The following ERBB4 variants were observed in gnomAD, a reference collection of about 807,000 sequenced individuals.
ERBB4 encodes erb-b2 receptor tyrosine kinase 4, also known as receptor tyrosine-protein kinase erbB-4.
ERBB4 carries 42 observed loss-of-function variants against 158.0 expected under a neutral mutation model. The observed-to-expected ratio is 0.27, with a 90% CI of 0.21 to 0.34. ERBB4 has a LOEUF of 0.34. Ranked by LOEUF, ERBB4 falls within the 10% of genes least tolerant of loss-of-function variation. The probability of loss-of-function intolerance (pLI) is 1.00; values close to 1 mark genes in which losing one functional copy is unlikely to be tolerated. For synonymous variants in ERBB4, 583 were observed against 558.7 expected, an observed-to-expected ratio of 1.04 and a Z score of -0.61; for missense variants, 1,333 against 1,624.1, an observed-to-expected ratio of 0.82 and a Z score of 3.08.
At chr2:212,455,035 G>C (rs1415454408) in intron 1 of ERBB4, among the ~76,000 whole-genome samples, 1 of 152,128 alleles carries the variant, frequency 6.6e-6, no homozygotes, top group Non-Finnish European at 1.5e-5. Flanking sequence ...TGACGAATTT[G>C]ATCCAAATCA....
intron 3 of ERBB4, among the ~76,000 whole-genome samples, chr2:211,875,636 A>G (rs1302633574): frequency 2.0e-5 from 3 of 152,196 alleles, no homozygotes; most frequent in Non-Finnish European, 4.4e-5. Context: ...AAATAAGTTT[A>G]GTGTAGCCTA....
At chr2:212,014,056 T>C (rs1302409753) in intron 2 of ERBB4, among the ~76,000 whole-genome samples, 1 of 152,212 alleles carries the variant, frequency 6.6e-6, no homozygotes, top group African/African-American at 2.4e-5. Context: ...CCCATGAACT[T>C]GATAATTTGT....
chr2:211,384,130 T>G, intron 27 of ERBB4, 70 bp from the exon 28 acceptor site: 1 of 1,128,574 alleles, frequency 8.9e-7, no homozygotes, highest in Non-Finnish European at 1.3e-6. Flanking sequence ...AGGTTATACA[T>G]AATGGTTAGC....
intron 1 of ERBB4, among the ~76,000 whole-genome samples, chr2:212,443,575 GCCAATTTATTGAATGA>G (rs1242211246): frequency 6.6e-6 from 1 of 152,178 alleles, no homozygotes; most frequent in Non-Finnish European, 1.5e-5. Flanking sequence ...TGTTACTCCG[GCCAATTTATTGAATGA>G]CCAAAAGGCT....
intron 19 of ERBB4, among the ~76,000 whole-genome samples, chr2:211,607,784 A>G (rs565168122): frequency 4.6e-5 from 7 of 152,070 alleles, no homozygotes; most frequent in Non-Finnish European, 1.0e-4. Context: ...AAATAAGTAT[A>G]GATTGTATGA....
intron 20 of ERBB4, among the ~76,000 whole-genome samples, chr2:211,532,152 G>C (rs1036386049): frequency 3.1e-5 from 2 of 64,710 alleles, no homozygotes; most frequent in Non-Finnish European, 4.0e-5. Flanking sequence ...GAAGGGTTGT[G>C]GGGGGGGAAA....
chr2:212,149,638 T>C (rs142217457), intron 1 of ERBB4, among the ~76,000 whole-genome samples: 1,971 of 152,302 alleles, frequency 0.013, 31 homozygotes, highest in African/African-American at 0.043. Context: ...AAATAAAACA[T>C]GTACATATGC....
chr2:211,886,956 T>C (rs1004909320), intron 3 of ERBB4, among the ~76,000 whole-genome samples: 3 of 152,204 alleles, frequency 2.0e-5, no homozygotes, highest in African/African-American at 7.2e-5. Flanking sequence ...TTCCTTATCA[T>C]TTCCAATTCC....
intron 4 of ERBB4, among the ~76,000 whole-genome samples, chr2:211,761,620 G>T (rs1433053029): frequency 6.6e-6 from 1 of 151,936 alleles, no homozygotes; most frequent in Non-Finnish European, 1.5e-5. Context: ...TCTATTATTT[G>T]TTTATTAAAG....
At chr2:212,237,523 T>C (rs1477216538) in intron 1 of ERBB4, among the ~76,000 whole-genome samples, 2 of 152,168 alleles carry the variant, frequency 1.3e-5, no homozygotes, top group Non-Finnish European at 1.5e-5. Context: ...CGACTCCTGC[T>C]GGGAGATGTG....
chr2:212,332,417 G>A (rs2088221949), intron 1 of ERBB4, among the ~76,000 whole-genome samples: 1 of 151,980 alleles, frequency 6.6e-6, no homozygotes, highest in African/African-American at 2.4e-5. Flanking sequence ...CATGAAAACA[G>A]ACCAATACAG....
At chr2:212,300,272 A>T (rs1213827234) in intron 1 of ERBB4, among the ~76,000 whole-genome samples, 1 of 151,608 alleles carries the variant, frequency 6.6e-6, no homozygotes, top group African/African-American at 2.4e-5. Flanking sequence ...CTTGCACACT[A>T]TGCTTTCTTT....
chr2:211,963,114 G>A (rs988526796), intron 2 of ERBB4, among the ~76,000 whole-genome samples: 12 of 151,988 alleles, frequency 7.9e-5, no homozygotes, highest in Admixed American at 6.6e-4. Context: ...TGTTCACATA[G>A]GTCCAAAACA....
chr2:212,236,245 T>C (rs145945862), intron 1 of ERBB4, among the ~76,000 whole-genome samples: 7 of 152,318 alleles, frequency 4.6e-5, no homozygotes, highest in Non-Finnish European at 8.8e-5. Context: ...TGTCATTGGT[T>C]TTGTTTATGT....
intron 22 of ERBB4, 60 bp downstream of exon 22, chr2:211,428,348 T>A (rs978073446): frequency 1.4e-5 from 13 of 920,356 alleles, no homozygotes; most frequent in South Asian, 9.2e-5. Context: ...ATATTTCACA[T>A]GAACTTAACA....
chr2:211,605,701 CTAAG>C (rs1465513329), intron 19 of ERBB4, among the ~76,000 whole-genome samples: 3 of 152,050 alleles, frequency 2.0e-5, no homozygotes, highest in Admixed American at 2.0e-4. Flanking sequence ...ACTATAGCTA[CTAAG>C]TCATTATTAT....
intron 3 of ERBB4, among the ~76,000 whole-genome samples, chr2:211,918,167 A>G (rs2079753296): frequency 6.6e-6 from 1 of 152,166 alleles, no homozygotes. Flanking sequence ...CTCAGGGATC[A>G]GGTAAGAAGT....
At chr2:211,652,095 T>A (rs1379991169) in intron 16 of ERBB4, among the ~76,000 whole-genome samples, 4 of 152,202 alleles carry the variant, frequency 2.6e-5, no homozygotes, top group Non-Finnish European at 5.9e-5. Flanking sequence ...AAGCCACTTT[T>A]GCAACTTTGT....
chr2:212,047,353 AACT>A (rs1445050407), intron 2 of ERBB4, among the ~76,000 whole-genome samples: 1 of 152,208 alleles, frequency 6.6e-6, no homozygotes. Context: ...GACAGGATGA[AACT>A]ACAAATATGT....
Sources: gnomAD v4.1 joint callset for allele counts (sites outside exome capture counted in the v4.1 genomes callset) on GRCh38, gnomAD v4.1.1 for gene constraint, MANE v1.5 for transcripts, NCBI Gene and HGNC (gene_info 2026-07-23, HGNC 2026-07-21) for gene names.